The following SNTG1 variants were observed in gnomAD, a reference collection of about 807,000 sequenced individuals.
The protein encoded by SNTG1 is syntrophin gamma 1, also known as gamma-1-syntrophin.
In SNTG1, 39 loss-of-function variants were observed where a neutral mutation model predicts 74.7. The ratio of observed to expected loss-of-function variants is 0.52; its 90% CI spans 0.40 to 0.68. The LOEUF (loss-of-function observed/expected upper bound fraction) is 0.68, where lower values mean the gene tolerates loss of function less well. Among genes scored for constraint, SNTG1 ranks in the 30% least tolerant of loss-of-function variants. SNTG1 has a pLI of 0.00. For missense variants in SNTG1, 685 were observed against 609.5 expected (o/e 1.12, Z -1.30); for synonymous variants, 254 against 217.1 (o/e 1.17, Z -1.49).
chr8:50,424,391 A>G (rs1044073420), intron 4 of SNTG1, among the ~76,000 whole-genome samples: 4 of 152,210 alleles, frequency 2.6e-5, no homozygotes. Context: ...CAGCATCTGT[A>G]AGGTGTACCA....
At position 50,400,450 on chromosome 8, in the gene SNTG1, G is replaced by A. The variant is rs11984847; in HGVS notation, c.28-1760G>A. 9.1e-3 allele frequency among the ~76,000 whole-genome samples: 1,383 copies of A among 152,202 alleles called. 27 individuals are homozygous for A. The highest frequency in any genetic ancestry group is 0.032 in the African/African-American group (1,311 of 41,546). On this transcript the variant is annotated intron_variant, in intron 3 of 18. Transcript: ENST00000642720. Reference sequence around the variant, plus strand: ...AGGTTGATTTCATATCTTGGCTGTTGTGAATAGTGCTACAATAAACATGGG... The same window carrying A: ...AGGTTGATTTCATATCTTGGCTGTTATGAATAGTGCTACAATAAACATGGG...
intron 1 of SNTG1, among the ~76,000 whole-genome samples, chr8:49,995,723 T>C (rs1271175683): frequency 6.6e-6 from 1 of 152,198 alleles, no homozygotes; most frequent in African/African-American, 2.4e-5. Context: ...AAGTCAGCTC[T>C]AGAGGAGCAC....
At chr8:50,609,990 C>CT (rs912195488) in intron 13 of SNTG1, among the ~76,000 whole-genome samples, 66 of 152,230 alleles carry the variant, frequency 4.3e-4, no homozygotes, top group African/African-American at 1.5e-3. Flanking sequence ...TCAACTGCTT[C>CT]TTTTTTCCCC....
chr8:50,310,192 T>C (rs537053143), intron 2 of SNTG1, among the ~76,000 whole-genome samples: 22 of 152,342 alleles, frequency 1.4e-4, no homozygotes, highest in African/African-American at 5.1e-4. Context: ...TTGAAATATC[T>C]GCTTTGTTTT....
At chr8:50,453,113 G>A (rs1175056265) in intron 8 of SNTG1, among the ~76,000 whole-genome samples, 1 of 152,192 alleles carries the variant, frequency 6.6e-6, no homozygotes, top group African/African-American at 2.4e-5. Context: ...TCTGCATTCA[G>A]TCTATGATCA....
chr8:50,760,325 T>C (rs575519884), intron 18 of SNTG1, among the ~76,000 whole-genome samples: 1 of 152,182 alleles, frequency 6.6e-6, no homozygotes, highest in South Asian at 2.1e-4. Context: ...CCTATTTGAA[T>C]ACCCTTTATT....
In SNTG1 at chr8:50,115,567, C is replaced by CAA. The variant is rs11386539; in HGVS notation, c.-102-56975_-102-56974dup. Among the ~76,000 whole-genome samples, 105 of 40,442 alleles carry CAA rather than the reference C, an allele frequency of 2.6e-3. 9 individuals carry two copies. The highest frequency in any genetic ancestry group is 7.9e-3 in the East Asian group (4 of 504). 26.5% of individuals were successfully genotyped at this position (40,442 alleles called of 152,430 possible). A position where few individuals can be genotyped will look rare whatever the true frequency, so the allele number is the denominator to read the frequency against. The stretch of plus-strand genomic sequence containing the variant: ...TGGGTGACAGAGCGAGACTCTGTCT[C>CAA]AAAAAAAAAAAAAAAAAAAACGAGA... On this transcript the variant is annotated intron_variant, in intron 1 of 18. Transcript: ENST00000642720.
At chr8:50,376,756 T>TATATATATATATATATATAGAG (rs1381048539) in intron 2 of SNTG1, among the ~76,000 whole-genome samples, 24 of 89,934 alleles carry the variant, frequency 2.7e-4, no homozygotes, top group Non-Finnish European at 4.7e-4. Flanking sequence ...TATATATATA[T>TATATATATATATATATATAGAG]AGAGAGAGAG....
chr8:50,260,606 A>T (rs2087138705), intron 2 of SNTG1, among the ~76,000 whole-genome samples: 1 of 152,102 alleles, frequency 6.6e-6, no homozygotes, highest in South Asian at 2.1e-4. Context: ...CATAAGAACC[A>T]GAATCAAATA....
chr8:50,017,350 T>A (rs1306649651), intron 1 of SNTG1, among the ~76,000 whole-genome samples: 1 of 151,894 alleles, frequency 6.6e-6, no homozygotes, highest in South Asian at 2.1e-4. Context: ...CAGGAATGGA[T>A]GAATAAAGAA....
rs191556949 is a variant in SNTG1 at position 50,510,252 on chromosome 8, C to G, written c.466+7372C>G. Among the ~76,000 whole-genome samples, 341 of 152,200 alleles carry G rather than the reference C, an allele frequency of 2.2e-3. 3 individuals are homozygous for G. The highest frequency in any genetic ancestry group is 4.2e-3 in the Non-Finnish European group (288 of 68,010). ...GCATATGTTGAGCCAGCCTTGCATC[C>G]CAGGGATGAAGCCCACTTGATCATG... On this transcript the variant is annotated intron_variant, in intron 9 of 18. Transcript: ENST00000642720.
intron 1 of SNTG1, among the ~76,000 whole-genome samples, chr8:49,977,743 T>C (rs990549630): frequency 4.6e-5 from 7 of 152,232 alleles, no homozygotes; most frequent in Non-Finnish European, 7.3e-5. Context: ...CATTCATTCC[T>C]CTTTTCCATT....
intron 2 of SNTG1, among the ~76,000 whole-genome samples, chr8:50,234,829 T>G (rs919975572): frequency 9.9e-5 from 15 of 152,108 alleles, no homozygotes; most frequent in African/African-American, 3.6e-4. Context: ...GATCTCTTTT[T>G]CTGATAGATC....
intron 1 of SNTG1, among the ~76,000 whole-genome samples, chr8:50,065,467 C>T (rs974631020): frequency 1.3e-5 from 2 of 152,056 alleles, no homozygotes; most frequent in Non-Finnish European, 2.9e-5. Flanking sequence ...TACTGAGTTG[C>T]TAGGCATTTC....
At chr8:50,059,562 A>G (rs371395108) in intron 1 of SNTG1, among the ~76,000 whole-genome samples, 1 of 152,098 alleles carries the variant, frequency 6.6e-6, no homozygotes, top group Non-Finnish European at 1.5e-5. Flanking sequence ...AGATGTGCCT[A>G]TTGTAAACAA....
At chr8:50,151,446 T>C (rs1377732595) in intron 1 of SNTG1, among the ~76,000 whole-genome samples, 2 of 152,188 alleles carry the variant, frequency 1.3e-5, no homozygotes, top group East Asian at 1.9e-4. Flanking sequence ...CCTTGCCTTC[T>C]GCTAGCTTTT....
At chr8:50,026,168 A>G (rs1171016004) in intron 1 of SNTG1, among the ~76,000 whole-genome samples, 1 of 152,178 alleles carries the variant, frequency 6.6e-6, no homozygotes, top group Admixed American at 6.5e-5. Context: ...TATAAAAGCT[A>G]TATTGTTACC....
chr8:50,669,322 G>T (rs953891049), intron 15 of SNTG1, among the ~76,000 whole-genome samples: 1 of 151,808 alleles, frequency 6.6e-6, no homozygotes, highest in Non-Finnish European at 1.5e-5. Context: ...AAAGAGAGAA[G>T]AATCAAATAG....
At chr8:49,924,024 G>T (rs990226038) in intron 1 of SNTG1, among the ~76,000 whole-genome samples, 38 of 152,244 alleles carry the variant, frequency 2.5e-4, no homozygotes, top group Admixed American at 7.9e-4. Flanking sequence ...AATACCAGTG[G>T]TTTTTTAATT....
Sources: allele counts gnomAD v4.1 joint callset (sites outside exome capture counted in the v4.1 genomes callset), GRCh38; gene constraint gnomAD v4.1.1; transcripts MANE v1.5; gene names NCBI Gene and HGNC (gene_info 2026-07-23, HGNC 2026-07-21).